The following DSC2 variants were observed in gnomAD, a reference collection of about 807,000 sequenced individuals.
DSC2 encodes the protein desmocollin-2.
A neutral mutation model predicts 87.6 loss-of-function variants in DSC2; 51 were observed. The ratio of observed to expected loss-of-function variants is 0.58; its 90% confidence interval spans 0.46 to 0.74. The LOEUF is 0.74. Among genes scored for constraint, DSC2 ranks in the 30% least tolerant of loss-of-function variants. DSC2 has a pLI of 0.00. For synonymous variants in DSC2, 383 were observed against 393.2 expected, an observed-to-expected ratio of 0.97 and a Z score of 0.31; for missense variants, 1,066 against 1,089.5, an observed-to-expected ratio of 0.98 and a Z score of 0.30.
intron 9 of DSC2, 46 bp downstream of exon 9, chr18:31,082,192 T>C: frequency 1.3e-6 from 2 of 1,547,628 alleles, no homozygotes; most frequent in Non-Finnish European, 8.9e-7. Context: ...TAGCATGCTA[T>C]TCTATGATAT....
At position 31,071,727 on chromosome 18, in the gene DSC2, A is replaced by G. The variant is rs1432852100; in HGVS notation, c.2003T>C (p.Leu668Pro). 1.2e-6 allele frequency: 2 copies of G among 1,613,944 alleles called. No homozygotes were observed. Among genetic ancestry groups the G allele is most frequent in the Non-Finnish European group, 1.7e-6 (2 of 1,180,000 alleles). ...MSSVTSLDVTLCDCITENDCT... is the reference protein window; with the variant it reads ...MSSVTSLDVTPCDCITENDCT... The stretch of plus-strand genomic sequence containing the variant: ...GTCATTTTCGGTAATGCAGTCACAC[A>G]GTGTAACATCCAATGAAGTGACACT... The change falls in exon 13 of 16, where the codon CTG becomes CCG. Residue 668 changes from leucine (L) to proline (P), a missense_variant. Coordinates refer to ENST00000280904, the MANE Select transcript of DSC2 (RefSeq NM_024422.6).
chr18:31,076,337 T>A (rs1005790134), intron 11 of DSC2, among the ~76,000 whole-genome samples: 4 of 151,902 alleles, frequency 2.6e-5, no homozygotes, highest in African/African-American at 7.3e-5. Flanking sequence ...ACTACAAGAC[T>A]AGTAGTTAAT....
intron 14 of DSC2, 129 bp downstream of exon 14, chr18:31,070,597 G>C: frequency 8.1e-7 from 1 of 1,240,778 alleles, no homozygotes; most frequent in Admixed American, 2.0e-5. Context: ...TGTTTCAGGG[G>C]ACCCATGACA....
At chr18:31,091,598 A>T (rs1987601730) in intron 3 of DSC2, 2 of 458,642 alleles carry the variant, frequency 4.4e-6, no homozygotes, top group Admixed American at 2.3e-5. Context: ...AAACACGGTG[A>T]CAACTCTCAA....
rs1397580089 is a variant in DSC2 at position 31,092,092 on chromosome 18, C to G, written c.354+9G>C. The G allele has an allele frequency of 1.2e-6, 2 of 1,607,680 alleles. No individual in the cohort carries two copies. The highest frequency in any genetic ancestry group is 1.7e-6 in the Non-Finnish European group (2 of 1,175,686). ...GATATCATTTCTTCATTTATGTAGC[C>G]TTGTATACCTTTGTTTGATGCTCCA... On this transcript the variant is annotated intron_variant, in intron 3 of 15. Coordinates refer to ENST00000280904, the MANE Select transcript of DSC2 (RefSeq NM_024422.6).
chr18:31,092,151 C>T lies in DSC2; in HGVS notation c.304G>A (p.Glu102Lys), dbSNP rs144799937. 1,981 of 1,613,078 alleles carry T rather than the reference C, an allele frequency of 1.2e-3. 3 individuals are homozygous for T. Among genetic ancestry groups the T allele is most frequent in the Non-Finnish European group, 1.5e-3 (1,749 of 1,179,532 alleles). The part of the protein sequence containing the change: ...RSFTILLSNT[E>K]NQEKKKIFVF... ...AATATTTTCTTCTTTTCTTGGTTCT[C>T]AGTGTTGGAAAGTAATATGGTAAAA... is the stretch of plus-strand genomic sequence containing the variant. Residue 102 changes from glutamate (E) to lysine (K), a missense_variant, in exon 3 of 16, where the codon GAG becomes AAG. Physicochemically the swap from Glu to Lys is moderately conservative, Grantham distance 56. Transcript: ENST00000280904.
chr18:31,068,251 T>C (rs1468887409), intron 15 of DSC2, 39 bp from the exon 16 acceptor site: 3 of 1,612,724 alleles, frequency 1.9e-6, no homozygotes, highest in Non-Finnish European at 2.5e-6. Flanking sequence ...ATTATTATTA[T>C]TTTAAACACC....
chr18:31,101,808 T>TA, intron 1 of DSC2, 95 bp downstream of exon 1: 1 of 1,323,892 alleles, frequency 7.6e-7, no homozygotes, highest in Non-Finnish European at 1.0e-6. Context: ...CCCCAGCTTT[T>TA]CCCGCCACCC....
intron 7 of DSC2, 135 bp from the exon 8 acceptor site, chr18:31,083,195 T>C: frequency 6.9e-6 from 7 of 1,021,166 alleles, no homozygotes; most frequent in Non-Finnish European, 9.9e-6. Context: ...ATTCGTGTAT[T>C]AGAAGAATTT....
rs1986671215 is a variant in DSC2 at position 31,067,717 on chromosome 18, T to G, written c.*298A>C. The G allele has an allele frequency of 3.0e-6, 1 of 332,772 alleles. No individual in the cohort carries two copies. The highest frequency in any genetic ancestry group is 5.6e-6 in the Non-Finnish European group (1 of 178,416). The allele number at this position is 332,772 out of a possible 1,614,324, so 20.6% of individuals were successfully genotyped here. Reference sequence around the variant, plus strand: ...AGGACTTGAATTAATTACATTTTATTGCACTATAAATTGGCTGTTGTCATT... The same window carrying G: ...AGGACTTGAATTAATTACATTTTATGGCACTATAAATTGGCTGTTGTCATT... On this transcript the variant is annotated 3_prime_UTR_variant, in exon 16 of 16. Coordinates refer to ENST00000280904, the MANE Select transcript of DSC2 (RefSeq NM_024422.6).
intron 1 of DSC2, 72 bp downstream of exon 1, chr18:31,101,831 G>T: frequency 2.0e-6 from 1 of 511,374 alleles, no homozygotes; most frequent in Non-Finnish European, 2.7e-6. Context: ...ACCTATCCCC[G>T]TTCCCCTAGT....
intron 7 of DSC2, among the ~76,000 whole-genome samples, chr18:31,083,395 C>T (rs1270005370): frequency 1.3e-5 from 2 of 152,088 alleles, no homozygotes; most frequent in East Asian, 3.9e-4. Context: ...AATAGTTTCT[C>T]AAATTTATAG....
intron 1 of DSC2, 39 bp from the exon 2 acceptor site, chr18:31,093,682 A>G: frequency 7.3e-7 from 1 of 1,363,744 alleles, no homozygotes; most frequent in Non-Finnish European, 1.0e-6. Context: ...ATTATGCATA[A>G]AAAGAAAACT....
chr18:31,089,492 CA>C lies in DSC2; in HGVS notation c.576del (p.Gly193GlufsTer9). ...PRNLFYVERD[T>X]GNLYCTRPVD... Reference sequence around the variant, plus strand: ...ACAGGACGAGTACAATACAAGTTTCCAGTGTCTCTCTCCACATAAAATAAAT... The same window carrying C: ...ACAGGACGAGTACAATACAAGTTTCCGTGTCTCTCTCCACATAAAATAAAT... On this transcript the variant is annotated frameshift_variant, in exon 5 of 16. Coordinates refer to ENST00000280904, the MANE Select transcript of DSC2 (RefSeq NM_024422.6). LOFTEE classifies it high-confidence loss of function. 6.2e-7 allele frequency: 1 copy of C among 1,613,924 alleles called. No individual in the cohort carries two copies. The highest frequency in any genetic ancestry group is 8.5e-7 in the Non-Finnish European group (1 of 1,179,914).
At chr18:31,098,530 C>T in intron 1 of DSC2, among the ~76,000 whole-genome samples, 1 of 152,088 alleles carries the variant, frequency 6.6e-6, no homozygotes, top group Admixed American at 6.5e-5. Context: ...TCTCGGTTCA[C>T]TGAAACCTCC....
rs575850796 is a variant in DSC2 at position 31,062,066 on chromosome 18, T to C, written c.*5949A>G. 1 of 152,340 alleles carries C rather than the reference T, an allele frequency of 6.6e-6. No individual in the cohort carries two copies. Among genetic ancestry groups the C allele is most frequent in the South Asian group, 2.1e-4 (1 of 4,824 alleles). 9.4% of individuals were successfully genotyped at this position (152,340 alleles called of 1,614,324 possible). On this transcript the variant is annotated 3_prime_UTR_variant, in exon 16 of 16. Coordinates refer to ENST00000280904, the MANE Select transcript of DSC2 (RefSeq NM_024422.6). Reference sequence around the variant, plus strand: ...GTGACATTATCAGTTCACAGCACAATATAGGCATTGCCTCTGAGGCTCATT... The same window carrying C: ...GTGACATTATCAGTTCACAGCACAACATAGGCATTGCCTCTGAGGCTCATT...
chr18:31,071,389 T>C (rs1209219983), intron 13 of DSC2, among the ~76,000 whole-genome samples: 9 of 151,602 alleles, frequency 5.9e-5, no homozygotes, highest in African/African-American at 2.2e-4. Flanking sequence ...CTACTAAAAG[T>C]AGAAAAAATT....
At position 31,092,303 on chromosome 18, in the gene DSC2, G is replaced by A. The variant is rs745988877; in HGVS notation, c.155-3C>T. On this transcript the variant is annotated splice_polypyrimidine_tract_variant and splice_region_variant and intron_variant, in intron 2 of 15. Transcript: ENST00000280904. ...TGTAAAGCACTCTTTCAGGTTAACT[G>A]TAGAAAATATGCACAGCAATCATTT... 6.8e-6 allele frequency: 11 copies of A among 1,611,524 alleles called. No individual in the cohort carries two copies. Among genetic ancestry groups the A allele is most frequent in the Admixed American group, 3.3e-5 (2 of 59,984 alleles).
At chr18:31,084,678 T>C (rs1260745) in intron 7 of DSC2, among the ~76,000 whole-genome samples, 2 of 151,840 alleles carry the variant, frequency 1.3e-5, no homozygotes, top group South Asian at 2.1e-4. Context: ...TTTTTTTTTT[T>C]CCATAGAATG....
Sources: allele counts gnomAD v4.1 joint callset (sites outside exome capture counted in the v4.1 genomes callset), GRCh38; gene constraint gnomAD v4.1.1; transcripts MANE v1.5; gene names NCBI Gene and HGNC (gene_info 2026-07-23, HGNC 2026-07-21).